The following ARSB variants were observed in gnomAD, a reference collection of about 807,000 sequenced individuals.
The protein encoded by ARSB is arylsulfatase B.
ARSB carries 41 observed loss-of-function variants against 50.9 expected under a neutral mutation model. That is an observed-to-expected ratio of 0.81 (90% confidence interval 0.63 to 1.04). The LOEUF is 1.04. ARSB is among the 50% of genes least tolerant of loss of function. The probability of loss-of-function intolerance (pLI) is 0.00; values close to 1 mark genes in which losing one functional copy is unlikely to be tolerated. For synonymous variants in ARSB, 269 were observed against 284.8 expected (o/e 0.94, Z 0.56); for missense variants, 672 against 693.3 (o/e 0.97, Z 0.35).
At chr5:78,833,503 A>C (rs750877212) in intron 6 of ARSB, among the ~76,000 whole-genome samples, 6 of 152,238 alleles carry the variant, frequency 3.9e-5, no homozygotes, top group Non-Finnish European at 5.9e-5. Context: ...CTCAAAGCAC[A>C]CAGGAAAGCA....
intron 1 of ARSB, among the ~76,000 whole-genome samples, chr5:78,972,731 A>G (rs964512897): frequency 1.5e-4 from 23 of 152,208 alleles, no homozygotes; most frequent in African/African-American, 5.3e-4. Context: ...ATTCCCTTAA[A>G]TGGAAAGCTC....
intron 5 of ARSB, among the ~76,000 whole-genome samples, chr5:78,856,702 A>G (rs1401893161): frequency 1.3e-5 from 2 of 152,190 alleles, no homozygotes; most frequent in African/African-American, 2.4e-5. Flanking sequence ...GTTAGCTTCT[A>G]TCTTCTCTAT....
chr5:78,871,576 T>C (rs990260429), intron 5 of ARSB, among the ~76,000 whole-genome samples: 14 of 147,820 alleles, frequency 9.5e-5, no homozygotes, highest in African/African-American at 2.5e-4. Flanking sequence ...AAGGATTCCC[T>C]ATTTAATAAA....
rs148388321 is a variant in ARSB at position 78,822,342 on chromosome 5, C to T, written c.1213+17014G>A. Among the ~76,000 whole-genome samples the T allele has an allele frequency of 4.6e-3, 703 of 152,144 alleles. 3 individuals carry two copies. Among genetic ancestry groups the T allele is most frequent in the African/African-American group, 0.014 (595 of 41,508 alleles). On this transcript the variant is annotated intron_variant, in intron 6 of 7. Transcript: ENST00000264914. ...CTCTAGTTTATTACTGTCATCAAGG[C>T]AGTACACAGATTTATACCACATAAA... is the stretch of plus-strand genomic sequence containing the variant.
At chr5:78,947,676 T>C (rs2112460368) in intron 4 of ARSB, among the ~76,000 whole-genome samples, 1 of 152,292 alleles carries the variant, frequency 6.6e-6, no homozygotes, top group Non-Finnish European at 1.5e-5. Flanking sequence ...TTTTGTACAA[T>C]GTTGGTGGGA....
intron 6 of ARSB, among the ~76,000 whole-genome samples, chr5:78,817,541 G>T (rs1397832636): frequency 7.9e-5 from 12 of 152,136 alleles, no homozygotes; most frequent in Admixed American, 7.9e-4. Flanking sequence ...GGGCGCGGTG[G>T]CTCACACCTG....
intron 3 of ARSB, among the ~76,000 whole-genome samples, chr5:78,963,133 T>C (rs766065058): frequency 6.6e-6 from 1 of 152,180 alleles, no homozygotes; most frequent in Non-Finnish European, 1.5e-5. Flanking sequence ...CTCACTGTAT[T>C]AGTTCCTGAG....
intron 6 of ARSB, chr5:78,816,065 T>C: frequency 6.2e-7 from 1 of 1,614,098 alleles, no homozygotes; most frequent in South Asian, 1.1e-5. Context: ...GTTATCATCT[T>C]CAGTAGAAAG....
chr5:78,861,131 A>G (rs1041335565), intron 5 of ARSB, among the ~76,000 whole-genome samples: 4 of 152,216 alleles, frequency 2.6e-5, no homozygotes, highest in African/African-American at 9.6e-5. Context: ...TAGCCTACCA[A>G]CCAAAAACAG....
At chr5:78,862,419 A>C (rs866962655) in intron 5 of ARSB, among the ~76,000 whole-genome samples, 2 of 152,230 alleles carry the variant, frequency 1.3e-5, no homozygotes, top group Non-Finnish European at 2.9e-5. Flanking sequence ...AAACAGAGAT[A>C]TAGACCAATG....
rs1337233700 is a variant in ARSB, at chr5:78,777,518, A to G, written c.*2879T>C. 1 of 152,552 alleles carries G rather than the reference A, an allele frequency of 6.6e-6. No homozygotes were observed. Among genetic ancestry groups the G allele is most frequent in the Non-Finnish European group, 1.5e-5 (1 of 68,022 alleles). The allele number at this position is 152,552 out of a possible 1,614,324, so 9.4% of individuals were successfully genotyped here. On this transcript the variant is annotated 3_prime_UTR_variant, in exon 8 of 8. Coordinates refer to ENST00000264914, the MANE Select transcript of ARSB (RefSeq NM_000046.5). ...ATCTGGGGGGACAAAAGTAACAAAG[A>G]AAAATGAGCTCACAATTAAATAAGC...
At chr5:78,907,599 C>T (rs529294391) in intron 4 of ARSB, among the ~76,000 whole-genome samples, 2 of 152,174 alleles carry the variant, frequency 1.3e-5, no homozygotes, top group African/African-American at 2.4e-5. Flanking sequence ...ACAAAGGCAG[C>T]GCCTTCATGC....
intron 5 of ARSB, among the ~76,000 whole-genome samples, chr5:78,848,897 G>T (rs1381944188): frequency 2.2e-5 from 3 of 138,540 alleles, no homozygotes; most frequent in Non-Finnish European, 4.7e-5. Flanking sequence ...CATATCCTTT[G>T]CCCACTTGTT....
At position 78,976,742 on chromosome 5, in the gene ARSB, C is replaced by T. The variant is rs186126031; in HGVS notation, c.313-7550G>A. ...TGCCCATTTAGAACACTGTTAGATT[C>T]GAAATGTTCTTTAGTGTATAATAGC... On this transcript the variant is annotated intron_variant, in intron 1 of 7. Coordinates refer to ENST00000264914, the MANE Select transcript of ARSB (RefSeq NM_000046.5). Among the ~76,000 whole-genome samples, 829 of 152,324 alleles carry T rather than the reference C, an allele frequency of 5.4e-3. 2 individuals are homozygous for T. Among genetic ancestry groups the T allele is most frequent in the Admixed American group, 8.1e-3 (124 of 15,300 alleles).
At chr5:78,948,966 ATTT>A (rs1017066434) in intron 4 of ARSB, among the ~76,000 whole-genome samples, 6 of 152,304 alleles carry the variant, frequency 3.9e-5, no homozygotes, top group Non-Finnish European at 8.8e-5. Context: ...GAGAAACTGA[ATTT>A]TTAAGATTGT....
intron 6 of ARSB, among the ~76,000 whole-genome samples, chr5:78,798,764 T>C (rs1743271809): frequency 6.6e-6 from 1 of 152,200 alleles, no homozygotes; most frequent in African/African-American, 2.4e-5. Flanking sequence ...AGCTTGGTGA[T>C]GCCATCCCTC....
At chr5:78,794,707 T>G (rs1390919318) in intron 6 of ARSB, among the ~76,000 whole-genome samples, 6 of 152,330 alleles carry the variant, frequency 3.9e-5, no homozygotes, top group Non-Finnish European at 7.3e-5. Context: ...TCTGTCTCAC[T>G]GCTTGTCCAA....
At chr5:78,968,753 C>A (rs1752318856) in intron 2 of ARSB, among the ~76,000 whole-genome samples, 1 of 152,118 alleles carries the variant, frequency 6.6e-6, no homozygotes, top group South Asian at 2.1e-4. Context: ...CGGTCTCCAA[C>A]GTGGATAGTA....
At chr5:78,786,174 C>T (rs1749076303) in intron 6 of ARSB, among the ~76,000 whole-genome samples, 1 of 152,196 alleles carries the variant, frequency 6.6e-6, no homozygotes, top group Admixed American at 6.5e-5. Flanking sequence ...CCCTCCAGCC[C>T]TAGGCAACCC....
Sources: allele counts gnomAD v4.1 joint callset (sites outside exome capture counted in the v4.1 genomes callset), GRCh38; gene constraint gnomAD v4.1.1; transcripts MANE v1.5; gene names NCBI Gene and HGNC (gene_info 2026-07-23, HGNC 2026-07-21).